Variants in LHFPL4 observed in about 807,000 individuals in gnomAD.
LHFPL4 encodes LHFPL tetraspan subfamily member 4 protein.
Under a neutral mutation model 20.0 loss-of-function variants are expected in LHFPL4, and 6 were observed. That is an observed-to-expected ratio of 0.30 (90% CI 0.16 to 0.59). The LOEUF (loss-of-function observed/expected upper bound fraction) is 0.59. LHFPL4 is among the 20% of genes least tolerant of loss of function. The probability of loss-of-function intolerance (pLI) is 0.88; values close to 1 mark genes in which losing one functional copy is unlikely to be tolerated. For synonymous variants in LHFPL4, 129 were observed against 143.8 expected, an observed-to-expected ratio of 0.90 and a Z score of 0.74; for missense variants, 215 against 331.2, an observed-to-expected ratio of 0.65 and a Z score of 2.72.
rs767679898 is a variant in LHFPL4, at chr3:9,502,346, A to T, written c.644-35T>A. On this transcript the variant is annotated intron_variant, in intron 3 of 3. Transcript: ENST00000287585. Reference sequence around the variant, plus strand: ...AGAGAGAGAGAGAGAAGGAGAGAGAATTAGAGAAAGTCAGAGGCTGCCTGG... The same window carrying T: ...AGAGAGAGAGAGAGAAGGAGAGAGATTTAGAGAAAGTCAGAGGCTGCCTGG... 3 of 1,445,428 alleles carry T rather than the reference A, an allele frequency of 2.1e-6. No homozygotes were observed. In the South Asian group the frequency reaches 3.5e-5, roughly 17 times the overall value. 89.5% of individuals were successfully genotyped at this position (1,445,428 alleles called of 1,614,324 possible).
At chr3:9,516,781 CTTTTT>C (rs574431292) in intron 2 of LHFPL4, among the ~76,000 whole-genome samples, 4 of 111,892 alleles carry the variant, frequency 3.6e-5, no homozygotes, top group Non-Finnish European at 1.7e-5. Context: ...GCCACACAAT[CTTTTT>C]TTTTTTTTTT....
At position 9,506,595 on chromosome 3, in the gene LHFPL4, G is replaced by T. The variant is rs1327235597; in HGVS notation, c.407-392C>A. ...TATTATTATTGTTGTCGTTGTTGTT[G>T]TTTGAGACGGAGTCTCGCTCTGTTG... is the stretch of plus-strand genomic sequence containing the variant. On this transcript the variant is annotated intron_variant, in intron 2 of 3. Transcript: ENST00000287585. This position sits in a 1 kb window ranked among gnomAD's most constrained non-coding sequence, Gnocchi z 4.5. Among the ~76,000 whole-genome samples, 2 of 152,038 alleles carry T rather than the reference G, an allele frequency of 1.3e-5. No homozygotes were observed. The highest frequency in any genetic ancestry group is 2.9e-5 in the Non-Finnish European group (2 of 68,010).
intron 2 of LHFPL4, among the ~76,000 whole-genome samples, chr3:9,528,697 C>A (rs1176900552): frequency 1.3e-5 from 2 of 152,084 alleles, no homozygotes; most frequent in Admixed American, 6.5e-5. Context: ...CTCACTGCAA[C>A]CTCTGTCTCC....
chr3:9,511,304 T>A (rs1391606374), intron 2 of LHFPL4, among the ~76,000 whole-genome samples: 3 of 150,592 alleles, frequency 2.0e-5, no homozygotes, highest in Non-Finnish European at 4.4e-5. Context: ...TGAGCGGGGA[T>A]CATGCCACTG....
chr3:9,533,848 AG>A (rs1318329659), intron 2 of LHFPL4, among the ~76,000 whole-genome samples: 1 of 151,912 alleles, frequency 6.6e-6, no homozygotes, highest in African/African-American at 2.4e-5. Context: ...TTTATGACCT[AG>A]GTGCTTTTTT....
intron 2 of LHFPL4, among the ~76,000 whole-genome samples, chr3:9,511,799 G>A (rs894467249): frequency 1.3e-5 from 2 of 152,220 alleles, no homozygotes; most frequent in African/African-American, 4.8e-5. Flanking sequence ...TAAAGTTATG[G>A]AAGAAATTGG....
chr3:9,542,985 A>G (rs992755732), intron 2 of LHFPL4, among the ~76,000 whole-genome samples: 3 of 152,134 alleles, frequency 2.0e-5, no homozygotes, highest in African/African-American at 7.2e-5. Flanking sequence ...TGAGATAATG[A>G]AAAATATCCT....
chr3:9,512,630 TCCAA>T (rs1421552433), intron 2 of LHFPL4, among the ~76,000 whole-genome samples: 2 of 152,222 alleles, frequency 1.3e-5, no homozygotes, highest in Non-Finnish European at 2.9e-5. Flanking sequence ...GACTGCATTT[TCCAA>T]CCTCTCTTGC....
intron 2 of LHFPL4, among the ~76,000 whole-genome samples, chr3:9,531,467 TG>T (rs1377665884): frequency 6.6e-6 from 1 of 152,040 alleles, no homozygotes; most frequent in East Asian, 1.9e-4. Context: ...AGAAGTAGCC[TG>T]GGGGAGAGAG....
intron 2 of LHFPL4, among the ~76,000 whole-genome samples, chr3:9,516,917 T>A: frequency 6.6e-6 from 1 of 150,814 alleles, no homozygotes; most frequent in South Asian, 2.1e-4. Flanking sequence ...GTAGCTGGGA[T>A]TAGGGGAGCC....
Position 9,506,093 on chromosome 3 carries a change from C to G in LHFPL4, c.517G>C (p.Val173Leu). ...ATGGCCAGGATGTATGCCCAGCGCACTGAACAGTCCCCCAGGGAGTACTTC... is the reference window on the plus strand; with the variant it reads ...ATGGCCAGGATGTATGCCCAGCGCAGTGAACAGTCCCCCAGGGAGTACTTC... The part of the protein sequence containing the change: ...TGKYSLGDCS[V>L]RWAYILAIIG... The change falls in exon 3 of 4, where the codon GTG (valine) becomes CTG (leucine). Residue 173 changes from valine (V) to leucine (L), a missense_variant. Coordinates refer to ENST00000287585, the MANE Select transcript of LHFPL4 (RefSeq NM_198560.3). The surrounding 1 kb of genome is among the most constrained non-coding windows in gnomAD (Gnocchi z 4.5). The G allele has an allele frequency of 6.2e-7, 1 of 1,614,168 alleles. No homozygotes were observed. Among genetic ancestry groups the G allele is most frequent in the Non-Finnish European group, 8.5e-7 (1 of 1,180,034 alleles).
chr3:9,505,694 G>A (rs1204460313), intron 3 of LHFPL4, among the ~76,000 whole-genome samples: 1 of 152,154 alleles, frequency 6.6e-6, no homozygotes, highest in Non-Finnish European at 1.5e-5. Flanking sequence ...AAAGTGCTGG[G>A]ATTACAGGCG....
intron 2 of LHFPL4, among the ~76,000 whole-genome samples, chr3:9,521,734 T>A (rs938141678): frequency 4.0e-5 from 6 of 151,770 alleles, no homozygotes; most frequent in African/African-American, 1.5e-4. Context: ...ATTAACATGG[T>A]ATAACTTTCT....
chr3:9,531,203 G>C (rs1438455005), intron 2 of LHFPL4, among the ~76,000 whole-genome samples: 1 of 152,162 alleles, frequency 6.6e-6, no homozygotes, highest in Non-Finnish European at 1.5e-5. Flanking sequence ...AATCATAATA[G>C]AAAGGTTTGA....
intron 2 of LHFPL4, among the ~76,000 whole-genome samples, chr3:9,528,889 A>G (rs1028616770): frequency 1.3e-5 from 2 of 149,928 alleles, no homozygotes; most frequent in African/African-American, 2.5e-5. Flanking sequence ...TGCTGGGATT[A>G]CAGGCATAAG....
chr3:9,502,844 T>C (rs1321405477), intron 3 of LHFPL4, among the ~76,000 whole-genome samples: 1 of 152,062 alleles, frequency 6.6e-6, no homozygotes, highest in Non-Finnish European at 1.5e-5. Flanking sequence ...AAAATAAGGA[T>C]CATAGCCTAC....
chr3:9,528,973 A>G (rs1295604955), intron 2 of LHFPL4, among the ~76,000 whole-genome samples: 1 of 150,424 alleles, frequency 6.6e-6, no homozygotes. Context: ...GCTGGAGTGC[A>G]GTAGCACGAT....
intron 2 of LHFPL4, among the ~76,000 whole-genome samples, chr3:9,536,413 G>A (rs1176512256): frequency 2.6e-5 from 4 of 152,042 alleles, no homozygotes; most frequent in Admixed American, 2.0e-4. Context: ...GGCCAGCCTG[G>A]GAGGTATCCT....
At position 9,499,981 on chromosome 3, in the gene LHFPL4, A is replaced by C. The variant is rs2046159189; in HGVS notation, c.*2230T>G. ...CATCCATTTCCCCTCCCCCACCCCA[A>C]GCTCTCGGGCAGCCTCTCAGCTGGT... On this transcript the variant is annotated 3_prime_UTR_variant, in exon 4 of 4. Coordinates refer to ENST00000287585, the MANE Select transcript of LHFPL4 (RefSeq NM_198560.3). 1.4e-5 allele frequency: 2 copies of C among 144,476 alleles called. No homozygotes were observed. The highest frequency in any genetic ancestry group is 2.6e-5 in the African/African-American group (1 of 38,164). The allele number at this position is 144,476 out of a possible 1,614,324, so 8.9% of individuals were successfully genotyped here. A position where few individuals can be genotyped will look rare whatever the true frequency, so the allele number is the denominator to read the frequency against.
Sources: allele counts gnomAD v4.1 joint callset (sites outside exome capture counted in the v4.1 genomes callset), GRCh38; gene constraint gnomAD v4.1.1; non-coding constraint Gnocchi (gnomAD v3.1); transcripts MANE v1.5; gene names NCBI Gene and HGNC (gene_info 2026-07-23, HGNC 2026-07-21).